CCDC186: variants seen among roughly 807,000 people sequenced by gnomAD.
The protein encoded by CCDC186 is coiled-coil domain-containing protein 186.
CCDC186 carries 49 observed loss-of-function variants against 113.7 expected under a neutral mutation model. That is an observed-to-expected ratio of 0.43 (90% CI 0.34 to 0.55). The LOEUF is 0.55. Ranked by LOEUF, CCDC186 falls within the 20% of genes least tolerant of loss-of-function variation. The pLI is 0.02. For synonymous variants in CCDC186, 355 were observed against 345.8 expected (o/e 1.03, Z -0.30); for missense variants, 890 against 1,011.1 (o/e 0.88, Z 1.62).
intron 3 of CCDC186, among the ~76,000 whole-genome samples, chr10:114,153,681 G>A (rs549143349): frequency 5.5e-4 from 84 of 151,862 alleles, no homozygotes; most frequent in African/African-American, 1.9e-3. Context: ...AGCTACTTGG[G>A]AGGCTGAGGC....
At chr10:114,144,646 T>A in intron 5 of CCDC186, 30 bp from the exon 6 acceptor site, 4 of 1,560,740 alleles carry the variant, frequency 2.6e-6, no homozygotes, top group Non-Finnish European at 3.5e-6. Flanking sequence ...TCATATATTT[T>A]CATTTATAGA....
In CCDC186 at chr10:114,136,314, C is replaced by G. The variant is rs548362470; in HGVS notation, c.1327-68G>C. 1.1e-5 allele frequency: 12 copies of G among 1,054,182 alleles called. No individual in the cohort carries two copies. The Admixed American group carries it at 2.0e-4, about 18-fold the overall frequency. 65.3% of individuals were successfully genotyped at this position (1,054,182 alleles called of 1,614,324 possible). On this transcript the variant is annotated intron_variant, in intron 7 of 15. Coordinates refer to ENST00000369287, the MANE Select transcript of CCDC186 (RefSeq NM_018017.4). ...ATTTCCCGTTTGCCCTGAGAATACT[C>G]GTCTCTAATCCTAATGTAGCATCAT...
At position 114,132,093 on chromosome 10, in the gene CCDC186, T is replaced by C; in HGVS notation, c.1747A>G (p.Lys583Glu). 6.2e-7 allele frequency: 1 copy of C among 1,613,546 alleles called. No individual in the cohort carries two copies. The highest frequency in any genetic ancestry group is 8.5e-7 in the Non-Finnish European group (1 of 1,179,758). ...AACAGCAGCAGCTCAGATTCTCTTT[T>C]CCTACTGCCTTCGATGTCTTTTTGT... The part of the protein sequence containing the change: ...DLQKDIEGSR[K>E]RESELLLFTE... The change falls in exon 11 of 16, where the codon AAA becomes GAA. Residue 583 changes from lysine to glutamate, a missense_variant. Transcript: ENST00000369287.
chr10:114,154,877 A>G lies in CCDC186; in HGVS notation c.759+2677T>C. Among the ~76,000 whole-genome samples, 2 of 152,244 alleles carry G rather than the reference A, an allele frequency of 1.3e-5. 1 individual carries two copies. The highest frequency in any genetic ancestry group is 4.1e-4 in the South Asian group (2 of 4,830). On this transcript the variant is annotated intron_variant, in intron 3 of 15. Transcript: ENST00000369287. Reference sequence around the variant, plus strand: ...AAATATTAAAACATCAAATATCTATATAATGAACTACTATTCAATCATTAA... The same window carrying G: ...AAATATTAAAACATCAAATATCTATGTAATGAACTACTATTCAATCATTAA...
chr10:114,128,662 C>G (rs142811977), intron 13 of CCDC186, among the ~76,000 whole-genome samples: 1 of 152,210 alleles, frequency 6.6e-6, no homozygotes, highest in East Asian at 1.9e-4. Flanking sequence ...TGGTATGTTT[C>G]AAGTGCTTAG....
rs768790080 is a variant in CCDC186, at chr10:114,125,100, C to A, written c.*43G>T. On this transcript the variant is annotated 3_prime_UTR_variant, in exon 16 of 16. Coordinates refer to ENST00000369287, the MANE Select transcript of CCDC186 (RefSeq NM_018017.4). ...CAACAATAGAGGTCAGTGGCACCTA[C>A]TCCTGTGTGGCTTTTGTCTCTTTAC... The A allele has an allele frequency of 4.2e-6, 6 of 1,438,440 alleles. No individual in the cohort carries two copies. In the Admixed American group the frequency reaches 1.2e-4, roughly 29 times the overall value. 89.1% of individuals were successfully genotyped at this position (1,438,440 alleles called of 1,614,324 possible).
chr10:114,170,789 A>G (rs1251875793), intron 1 of CCDC186, among the ~76,000 whole-genome samples: 1 of 152,084 alleles, frequency 6.6e-6, no homozygotes, highest in Non-Finnish European at 1.5e-5. Flanking sequence ...ACTTTATGAT[A>G]TGTGCATTAT....
intron 10 of CCDC186, among the ~76,000 whole-genome samples, chr10:114,133,530 A>G (rs1408882816): frequency 6.6e-6 from 1 of 152,220 alleles, no homozygotes; most frequent in East Asian, 1.9e-4. Flanking sequence ...AAGTTACAAT[A>G]AAATTAGAAC....
Position 114,124,271 on chromosome 10 carries a change from A to G in CCDC186, c.*872T>C, listed in dbSNP as rs2030818309. On this transcript the variant is annotated 3_prime_UTR_variant, in exon 16 of 16. Coordinates refer to ENST00000369287, the MANE Select transcript of CCDC186 (RefSeq NM_018017.4). ...GAATGGTGCTCAAATGAAATAGTTT[A>G]TAGTGCCATATGCTGGTTTCTTTTG... 2 of 152,086 alleles carry G rather than the reference A, an allele frequency of 1.3e-5. No individual in the cohort carries two copies. Among genetic ancestry groups the G allele is most frequent in the Non-Finnish European group, 2.9e-5 (2 of 68,030 alleles). 9.4% of individuals were successfully genotyped at this position (152,086 alleles called of 1,614,324 possible). A position where few individuals can be genotyped will look rare whatever the true frequency, so the allele number is the denominator to read the frequency against.
Position 114,125,055 on chromosome 10 carries a change from A to G in CCDC186, c.*88T>C. ...AAACAATATTTTTACTGGCTGAAAC[A>G]AAAAGTGGAACAAAGTCTCCAACAA... is the stretch of plus-strand genomic sequence containing the variant. On this transcript the variant is annotated 3_prime_UTR_variant, in exon 16 of 16. Transcript: ENST00000369287. 1.0e-6 allele frequency: 1 copy of G among 968,564 alleles called. No individual in the cohort carries two copies. Among genetic ancestry groups the G allele is most frequent in the Non-Finnish European group, 1.5e-6 (1 of 651,082 alleles). The allele number at this position is 968,564 out of a possible 1,614,324, so 60.0% of individuals were successfully genotyped here.
chr10:114,165,580 A>G (rs1198250996), intron 1 of CCDC186, among the ~76,000 whole-genome samples: 1 of 152,180 alleles, frequency 6.6e-6, no homozygotes, highest in Non-Finnish European at 1.5e-5. Flanking sequence ...AATCCCAGCT[A>G]CTCGGGGAGC....
rs1269724655 is a variant in CCDC186, at chr10:114,123,571, C to T, written c.*1572G>A. On this transcript the variant is annotated 3_prime_UTR_variant, in exon 16 of 16. Coordinates refer to ENST00000369287, the MANE Select transcript of CCDC186 (RefSeq NM_018017.4). Reference sequence around the variant, plus strand: ...ATGGGAGAAAAAGGGATGCAAAAATCCAAACCAAACAAGGCTTGCTGCAAT... The same window carrying T: ...ATGGGAGAAAAAGGGATGCAAAAATTCAAACCAAACAAGGCTTGCTGCAAT... The T allele has an allele frequency of 6.6e-6, 1 of 152,100 alleles. No homozygotes were observed. Among genetic ancestry groups the T allele is most frequent in the African/African-American group, 2.4e-5 (1 of 41,430 alleles). 9.4% of individuals were successfully genotyped at this position (152,100 alleles called of 1,614,324 possible).
chr10:114,127,706 T>C, intron 13 of CCDC186, 35 bp from the exon 14 acceptor site: 1 of 1,524,076 alleles, frequency 6.6e-7, no homozygotes, highest in Non-Finnish European at 9.1e-7. Flanking sequence ...GATACTGTGC[T>C]TAATCTAACA....
At chr10:114,164,061 TTA>T (rs1491493324) in intron 1 of CCDC186, among the ~76,000 whole-genome samples, 6 of 136,658 alleles carry the variant, frequency 4.4e-5, no homozygotes, top group East Asian at 2.1e-4. Context: ...TTTGACCAAG[TTA>T]GAGTGTGTGT....
At chr10:114,148,344 C>T (rs2031711354) in intron 4 of CCDC186, among the ~76,000 whole-genome samples, 1 of 152,104 alleles carries the variant, frequency 6.6e-6, no homozygotes, top group African/African-American at 2.4e-5. Context: ...CAAGACAATA[C>T]AATAACTGTT....
In CCDC186 at chr10:114,125,939, G is replaced by A. The variant is rs1340695419; in HGVS notation, c.2560C>T (p.Arg854Ter). Residue 854 changes from arginine (R) to a stop codon, truncating the protein, a stop_gained, in exon 15 of 16, where the codon CGA (arginine) becomes TGA (stop). Transcript: ENST00000369287. LOFTEE classifies it high-confidence loss of function. ...TCCTCCAAAACAGCCTGTAATTTTC[G>A]GTTGATTTCCAAAGAGAGCTCCAAT... ...LTLELSLEIN[R>*]KLQAVLEDTL... 9.9e-6 allele frequency: 16 copies of A among 1,613,912 alleles called. No homozygotes were observed. Among genetic ancestry groups the A allele is most frequent in the Admixed American group, 1.7e-5 (1 of 59,982 alleles).
rs1398633233 is a variant in CCDC186, at chr10:114,147,324, A to T, written c.889-1563T>A. On this transcript the variant is annotated intron_variant, in intron 4 of 15. Coordinates refer to ENST00000369287, the MANE Select transcript of CCDC186 (RefSeq NM_018017.4). ...ATGAAAAATTATAGTAAATGAATGT[A>T]CAAAGTCCTTCAAAACATGAAAATA... Among the ~76,000 whole-genome samples, 6 of 152,332 alleles carry T rather than the reference A, an allele frequency of 3.9e-5. No individual in the cohort carries two copies. The East Asian group carries it at 1.2e-3, about 29-fold the overall frequency.
At chr10:114,160,564 A>T (rs1403125856) in intron 2 of CCDC186, among the ~76,000 whole-genome samples, 1 of 152,204 alleles carries the variant, frequency 6.6e-6, no homozygotes, top group Non-Finnish European at 1.5e-5. Context: ...CTGTGATGTG[A>T]CCGATGTGGT....
intron 1 of CCDC186, chr10:114,165,960 G>A: frequency 1.0e-6 from 1 of 983,028 alleles, no homozygotes; most frequent in Non-Finnish European, 1.2e-6. Flanking sequence ...CAATGAGTTT[G>A]TGACTTCATT....
Sources: allele counts gnomAD v4.1 joint callset (sites outside exome capture counted in the v4.1 genomes callset), GRCh38; gene constraint gnomAD v4.1.1; transcripts MANE v1.5; gene names NCBI Gene and HGNC (gene_info 2026-07-23, HGNC 2026-07-21).